The following RP1L1 variants were observed in gnomAD, a reference collection of about 807,000 sequenced individuals.
The protein encoded by RP1L1 is RP1 like 1, also known as retinitis pigmentosa 1-like 1 protein.
RP1L1 carries 27 observed loss-of-function variants against 15.7 expected under a neutral mutation model. The ratio of observed to expected loss-of-function variants is 1.72; its 90% CI spans 1.27 to 2.38. The LOEUF is 2.38. RP1L1 is among the 30% of genes most tolerant of loss of function. RP1L1 has a pLI of 0.00. For synonymous variants in RP1L1, 1,813 were observed against 1,276.7 expected (o/e 1.42, Z -8.96); for missense variants, 4,798 against 3,075.9 (o/e 1.56, Z -13.24).
intron 2 of RP1L1, among the ~76,000 whole-genome samples, chr8:10,620,600 CT>C (rs1346777433): frequency 6.6e-6 from 1 of 151,998 alleles, no homozygotes; most frequent in Non-Finnish European, 1.5e-5. Context: ...GAGTGAGACT[CT>C]GTCTCAAAAA....
rs1176067479 is a variant in RP1L1, at chr8:10,622,914, C to A, written c.288G>T (p.Leu96=). ...GLHSLSALEQ[L]EDGGCYLCSD... ...AGCAGAGGTAGCAGCCTCCATCTTCCAGCTGCTCCAGGGCGCTGAGGCTAT... is the reference window on the plus strand; with the variant it reads ...AGCAGAGGTAGCAGCCTCCATCTTCAAGCTGCTCCAGGGCGCTGAGGCTAT... Residue 96 remains leucine, a synonymous_variant, in exon 2 of 4, where the codon CTG becomes CTT. Coordinates refer to ENST00000382483, the MANE Select transcript of RP1L1 (RefSeq NM_178857.6). The A allele has an allele frequency of 6.2e-7, 1 of 1,613,954 alleles. No individual in the cohort carries two copies. The highest frequency in any genetic ancestry group is 1.7e-5 in the Admixed American group (1 of 60,006).
At chr8:10,640,919 C>T (rs955130480) in intron 1 of RP1L1, among the ~76,000 whole-genome samples, 5 of 151,968 alleles carry the variant, frequency 3.3e-5, no homozygotes, top group East Asian at 1.9e-4. Flanking sequence ...TATAGGTGCA[C>T]GCCACCATGC....
At position 10,609,899 on chromosome 8, in the gene RP1L1, G is replaced by T. The variant is rs769518612; in HGVS notation, c.4199C>A (p.Pro1400Gln). Residue 1400 changes from proline (P) to glutamine (Q), a missense_variant, in exon 4 of 4, where the codon CCA becomes CAA. Coordinates refer to ENST00000382483, the MANE Select transcript of RP1L1 (RefSeq NM_178857.6). ...CTGCCCGTGGACGCTTCCTTCTTCT[G>T]GAAGTCCTTCCTCTTTGAGACCCTC... is the stretch of plus-strand genomic sequence containing the variant. ...LEEGLKEEGL[P>Q]EEGSVHGQEL... The T allele has an allele frequency of 1.3e-5, 21 of 1,593,072 alleles. No homozygotes were observed. Among genetic ancestry groups the T allele is most frequent in the Non-Finnish European group, 1.7e-5 (20 of 1,165,354 alleles).
rs935918287 is a variant in RP1L1 at position 10,610,552 on chromosome 8, T to C, written c.3546A>G (p.Pro1182=). 8.7e-6 allele frequency: 14 copies of C among 1,613,580 alleles called. No individual in the cohort carries two copies. Among genetic ancestry groups the C allele is most frequent in the Non-Finnish European group, 1.2e-5 (14 of 1,180,030 alleles). The part of the protein sequence containing the change: ...LWELTWSQAL[P]DLGSHAMTEN... ...CCGTCATGGCATGGGACCCAAGGTCTGGCAGAGCCTGGCTCCATGTGAGCT... is the reference window on the plus strand; with the variant it reads ...CCGTCATGGCATGGGACCCAAGGTCCGGCAGAGCCTGGCTCCATGTGAGCT... The change falls in exon 4 of 4, where the codon CCA becomes CCG. Residue 1182 remains proline (P), a synonymous_variant. Transcript: ENST00000382483.
In RP1L1 at chr8:10,634,488, C is replaced by T. The variant is rs563781543; in HGVS notation, c.-19-11268G>A. Reference sequence around the variant, plus strand: ...ATCAACACAAAGAATGCAAAACAGCCGACATACAGAAAGCGAGGATCAGGT... The same window carrying T: ...ATCAACACAAAGAATGCAAAACAGCTGACATACAGAAAGCGAGGATCAGGT... On this transcript the variant is annotated intron_variant, in intron 1 of 3. Transcript: ENST00000382483. Among the ~76,000 whole-genome samples, 6 of 152,282 alleles carry T rather than the reference C, an allele frequency of 3.9e-5. No homozygotes were observed. In the East Asian group the frequency reaches 9.7e-4, roughly 25 times the overall value.
At chr8:10,651,243 G>A (rs1160303090) in intron 1 of RP1L1, among the ~76,000 whole-genome samples, 1 of 152,146 alleles carries the variant, frequency 6.6e-6, no homozygotes, top group African/African-American at 2.4e-5. Context: ...CAAATTACCT[G>A]GGGGTGGAGC....
In RP1L1 at chr8:10,608,320, C is replaced by T. The variant is rs775561929; in HGVS notation, c.5778G>A (p.Glu1926=). 34 of 1,612,678 alleles carry T rather than the reference C, an allele frequency of 2.1e-5. 1 individual carries two copies. The South Asian group carries it at 3.4e-4, about 16-fold the overall frequency. The change falls in exon 4 of 4, where the codon GAG becomes GAA. Residue 1926 remains glutamate (E), a synonymous_variant. Coordinates refer to ENST00000382483, the MANE Select transcript of RP1L1 (RefSeq NM_178857.6). ...QPETESVEAL[E]TEGEDEPESE... The stretch of plus-strand genomic sequence containing the variant: ...ACTCTGGCTCGTCCTCCCCTTCAGT[C>T]TCCAGGGCCTCTACACTTTCTGTCT...
Position 10,622,993 on chromosome 8 carries a change from T to G in RP1L1, c.209A>C (p.Gln70Pro). The G allele has an allele frequency of 6.2e-7, 1 of 1,614,102 alleles. No homozygotes were observed. The highest frequency in any genetic ancestry group is 1.1e-5 in the South Asian group (1 of 91,078). ...CACCCCAAAGGAGAGAGGCACGCGC[T>G]GGGAGAGCTCGTCCATGAGGGCGCT... ...TFSALMDELS[Q>P]RVPLSFGVRS... Residue 70 changes from glutamine to proline, a missense_variant, in exon 2 of 4, where the codon CAG becomes CCG. Transcript: ENST00000382483.
At chr8:10,648,770 T>C (rs1798517339) in intron 1 of RP1L1, among the ~76,000 whole-genome samples, 1 of 152,230 alleles carries the variant, frequency 6.6e-6, no homozygotes, top group Non-Finnish European at 1.5e-5. Flanking sequence ...TCGCTTTGGC[T>C]GGGAAATCTC....
intron 1 of RP1L1, among the ~76,000 whole-genome samples, chr8:10,638,402 A>C (rs981161716): frequency 6.6e-6 from 1 of 152,152 alleles, no homozygotes; most frequent in Non-Finnish European, 1.5e-5. Context: ...TGTGGGGAAA[A>C]AAAATCAAAG....
In RP1L1 at chr8:10,611,245, C is replaced by G; in HGVS notation, c.2853G>C (p.Ser951=). The G allele has an allele frequency of 1.2e-6, 2 of 1,613,038 alleles. No homozygotes were observed. Among genetic ancestry groups the G allele is most frequent in the Admixed American group, 1.7e-5 (1 of 60,030 alleles). The change falls in exon 4 of 4, where the codon TCG becomes TCC. Residue 951 remains serine, a synonymous_variant. Coordinates refer to ENST00000382483, the MANE Select transcript of RP1L1 (RefSeq NM_178857.6). ...SGVSPSSLPR[S]SPEAVVREWL... ...ATTCGCGGACCACAGCCTCTGGAGA[C>G]GAGCGGGGCAGAGAGCTGGGTGACA... is the stretch of plus-strand genomic sequence containing the variant.
intron 1 of RP1L1, among the ~76,000 whole-genome samples, chr8:10,641,758 G>A (rs1798411148): frequency 6.6e-6 from 1 of 152,154 alleles, no homozygotes; most frequent in African/African-American, 2.4e-5. Flanking sequence ...ATACTCAGAT[G>A]TCCTTCAAAG....
Position 10,611,345 on chromosome 8 carries a change from C to T in RP1L1, c.2753G>A (p.Gly918Glu), listed in dbSNP as rs939450075. ...CTTCTCCTCGGACAGCCCCCGAGACCCCGCACCCTGGCTGGCACTGCTTCT... is the reference window on the plus strand; with the variant it reads ...CTTCTCCTCGGACAGCCCCCGAGACTCCGCACCCTGGCTGGCACTGCTTCT... ...SRRSSASQGA[G>E]SRGLSEEKTL... is the part of the protein sequence containing the mutation. Residue 918 changes from glycine (G) to glutamate (E), a missense_variant, in exon 4 of 4, where the codon GGG (glycine) becomes GAG (glutamate). Transcript: ENST00000382483. 2 of 1,612,106 alleles carry T rather than the reference C, an allele frequency of 1.2e-6. No individual in the cohort carries two copies. The highest frequency in any genetic ancestry group is 1.1e-5 in the South Asian group (1 of 91,056).
intron 1 of RP1L1, among the ~76,000 whole-genome samples, chr8:10,624,967 G>A (rs1436792364): frequency 6.6e-6 from 1 of 152,204 alleles, no homozygotes; most frequent in Admixed American, 6.5e-5. Context: ...GAAGAAGCCT[G>A]GGTGGGGTTG....
chr8:10,612,785 C>G lies in RP1L1; in HGVS notation c.1313G>C (p.Trp438Ser). 1 of 1,610,644 alleles carries G rather than the reference C, an allele frequency of 6.2e-7. No individual in the cohort carries two copies. Among genetic ancestry groups the G allele is most frequent in the Non-Finnish European group, 8.5e-7 (1 of 1,179,946 alleles). ...CTCCCTCCCGGCAGTCCCGTGGCCC[C>G]ACAGGCCACTGCAGCGGACGTGCTG... is the stretch of plus-strand genomic sequence containing the variant. The part of the protein sequence containing the change: ...LAQHVRCSGL[W>S]GHGTAGRERC... The change falls in exon 4 of 4, where the codon TGG becomes TCG. Residue 438 changes from tryptophan (W) to serine (S), a missense_variant. Physicochemically the swap from Trp to Ser is radical, Grantham distance 177. Coordinates refer to ENST00000382483, the MANE Select transcript of RP1L1 (RefSeq NM_178857.6).
Position 10,622,852 on chromosome 8 carries a change from C to T in RP1L1, c.350G>A (p.Gly117Asp), listed in dbSNP as rs771694668. Residue 117 changes from glycine to aspartate, a missense_variant, in exon 2 of 4, where the codon GGC becomes GAC. Transcript: ENST00000382483. Reference protein sequence around the residue: ...KKPPKTPSGPGRPQERNPTAQ... With the variant: ...KKPPKTPSGPDRPQERNPTAQ... The stretch of plus-strand genomic sequence containing the variant: ...AGTGGGGTTTCTCTCCTGTGGCCGG[C>T]CTGGTCCACTGGGGGTCTTGGGGGG... 6.2e-7 allele frequency: 1 copy of T among 1,613,044 alleles called. No individual in the cohort carries two copies. Among genetic ancestry groups the T allele is most frequent in the Non-Finnish European group, 8.5e-7 (1 of 1,179,302 alleles).
chr8:10,649,220 CT>C (rs1170147759), intron 1 of RP1L1, among the ~76,000 whole-genome samples: 2 of 152,220 alleles, frequency 1.3e-5, no homozygotes, highest in African/African-American at 4.8e-5. Context: ...CGATTCTACT[CT>C]CAAGTCCTTC....
chr8:10,629,261 T>A (rs1322507444), intron 1 of RP1L1, among the ~76,000 whole-genome samples: 1 of 147,030 alleles, frequency 6.8e-6, no homozygotes, highest in Non-Finnish European at 1.5e-5. Context: ...CTGCCAAGGG[T>A]CTGGAAAGTG....
At chr8:10,626,763 A>T (rs80253725) in intron 1 of RP1L1, among the ~76,000 whole-genome samples, 23 of 152,362 alleles carry the variant, frequency 1.5e-4, no homozygotes, top group African/African-American at 5.3e-4. Flanking sequence ...GGAAAGACAG[A>T]ATGACAAAAA....
Sources: allele counts gnomAD v4.1 joint callset (sites outside exome capture counted in the v4.1 genomes callset), GRCh38; gene constraint gnomAD v4.1.1; transcripts MANE v1.5; gene names NCBI Gene and HGNC (gene_info 2026-07-23, HGNC 2026-07-21).